STRBP: variants seen among roughly 807,000 people sequenced by gnomAD.
STRBP encodes spermatid perinuclear RNA binding protein, also known as spermatid perinuclear RNA-binding protein.
In STRBP, 13 loss-of-function variants were observed where a neutral mutation model predicts 80.1. That is an observed-to-expected ratio of 0.16 (90% CI 0.11 to 0.26). The LOEUF is 0.26. Among genes scored for constraint, STRBP ranks in the 10% least tolerant of loss-of-function variants. The pLI is 1.00. For missense variants in STRBP, 485 were observed against 815.2 expected, an observed-to-expected ratio of 0.59 and a Z score of 4.93; for synonymous variants, 284 against 291.2, an observed-to-expected ratio of 0.98 and a Z score of 0.25.
At chr9:123,109,821 G>A (rs750948181) in intron 3 of STRBP, 1 of 152,226 alleles carries the variant, frequency 6.6e-6, no homozygotes, top group Non-Finnish European at 1.5e-5. Flanking sequence ...GTCCATGGTG[G>A]TCACGGTTTC....
chr9:123,240,427 C>T (rs934097375), intron 1 of STRBP, among the ~76,000 whole-genome samples: 2 of 152,112 alleles, frequency 1.3e-5, no homozygotes, highest in African/African-American at 2.4e-5. Context: ...AACACAGAGA[C>T]GTATTTTACT....
intron 2 of STRBP, among the ~76,000 whole-genome samples, chr9:123,219,289 G>A (rs1028491347): frequency 3.3e-5 from 5 of 151,966 alleles, no homozygotes; most frequent in Admixed American, 6.6e-5. Flanking sequence ...CTTTATTCAC[G>A]TAACTTCCCC....
intron 1 of STRBP, among the ~76,000 whole-genome samples, chr9:123,246,211 A>G (rs2040796560): frequency 1.3e-5 from 2 of 152,252 alleles, no homozygotes; most frequent in Non-Finnish European, 2.9e-5. Flanking sequence ...CAAGGTACAG[A>G]ACATGAAACA....
In STRBP at chr9:123,160,396, C is replaced by T. The variant is rs1016537786; in HGVS notation, c.694G>A (p.Val232Ile). Residue 232 changes from valine (V) to isoleucine (I), a missense_variant, in exon 8 of 19, where the codon GTC becomes ATC. Around this residue, in one of 3 missense-constraint regions of STRBP, gnomAD observed 377 missense variants for 616.1 expected, o/e 0.61. Transcript: ENST00000348403. ...LRILRDLCNR[V>I]PTWAPLKGWP... is the part of the protein sequence containing the mutation. Reference sequence around the variant, plus strand: ...CCTTTCAATGGTGCCCATGTGGGGACTCTGTTGCACAAATCACGCAGAATG... The same window carrying T: ...CCTTTCAATGGTGCCCATGTGGGGATTCTGTTGCACAAATCACGCAGAATG... 5.6e-6 allele frequency: 9 copies of T among 1,602,090 alleles called. No individual in the cohort carries two copies. In the South Asian group the frequency reaches 1.0e-4, roughly 18 times the overall value.
chr9:123,161,720 T>G lies in STRBP; in HGVS notation c.536-652A>C, dbSNP rs190819002. On this transcript the variant is annotated intron_variant, in intron 6 of 18. Transcript: ENST00000348403. ...ATACAGTGAACTACATTTCAAGTTTTACATGCCTTTTAAAAATAAAAAGCA... is the reference window on the plus strand; with the variant it reads ...ATACAGTGAACTACATTTCAAGTTTGACATGCCTTTTAAAAATAAAAAGCA... 5.3e-5 allele frequency among the ~76,000 whole-genome samples: 8 copies of G among 152,372 alleles called. No homozygotes were observed. The East Asian group carries it at 1.5e-3, about 29-fold the overall frequency.
At chr9:123,265,856 C>G (rs948668067) in intron 1 of STRBP, among the ~76,000 whole-genome samples, 1 of 152,228 alleles carries the variant, frequency 6.6e-6, no homozygotes, top group Non-Finnish European at 1.5e-5. Context: ...AAAAAGTCAA[C>G]AATCCAGATC....
intron 2 of STRBP, among the ~76,000 whole-genome samples, chr9:123,205,338 C>A (rs936523867): frequency 6.6e-5 from 10 of 152,298 alleles, no homozygotes; most frequent in Middle Eastern, 3.4e-3. Context: ...GAAGGGTAAA[C>A]CAATACCTTG....
chr9:123,233,273 C>T (rs970418748), intron 2 of STRBP, among the ~76,000 whole-genome samples: 2 of 152,090 alleles, frequency 1.3e-5, no homozygotes, highest in African/African-American at 4.8e-5. Context: ...GGGGGTCTCA[C>T]TACGTTGCCC....
intron 2 of STRBP, among the ~76,000 whole-genome samples, chr9:123,198,739 T>C (rs1265379932): frequency 6.6e-6 from 1 of 152,238 alleles, no homozygotes; most frequent in Non-Finnish European, 1.5e-5. Flanking sequence ...GTCTTACATT[T>C]AAGTCCTTGT....
chr9:123,191,020 G>T (rs2132484389), intron 2 of STRBP, among the ~76,000 whole-genome samples: 1 of 152,290 alleles, frequency 6.6e-6, no homozygotes, highest in South Asian at 2.1e-4. Context: ...TACCAACAGT[G>T]AACAAAACAG....
chr9:123,205,743 C>T (rs544882815), intron 2 of STRBP, among the ~76,000 whole-genome samples: 1 of 152,302 alleles, frequency 6.6e-6, no homozygotes, highest in Non-Finnish European at 1.5e-5. Context: ...CAGGCTCTTG[C>T]TACTATTCAT....
In STRBP at chr9:123,128,331, C is replaced by T. The variant is rs150457644; in HGVS notation, c.1898-73G>A. Reference sequence around the variant, plus strand: ...CATCACTGGCCCAATTCACAAGCACCACCTGCTCAGCACCCTGGGCCCGGA... The same window carrying T: ...CATCACTGGCCCAATTCACAAGCACTACCTGCTCAGCACCCTGGGCCCGGA... On this transcript the variant is annotated intron_variant, in intron 17 of 18. Transcript: ENST00000348403. 1.9e-5 allele frequency: 30 copies of T among 1,564,820 alleles called. No homozygotes were observed. In the African/African-American group the frequency reaches 2.6e-4, roughly 13 times the overall value.
At position 123,147,842 on chromosome 9, in the gene STRBP, T is replaced by C. The variant is rs979520519; in HGVS notation, c.1074A>G (p.Pro358=). ...TATCATCCCCTAATCCATCTTCAAA[T>C]GGCCTCTTTAGAGCTGAAGACCCAG... ...EGAGSSALKR[P]FEDGLGDDKD... The change falls in exon 12 of 19, where the codon CCA becomes CCG. Residue 358 remains proline (P), a synonymous_variant. Coordinates refer to ENST00000348403, the MANE Select transcript of STRBP (RefSeq NM_018387.5). The C allele has an allele frequency of 2.5e-6, 4 of 1,612,914 alleles. No homozygotes were observed. Among genetic ancestry groups the C allele is most frequent in the Non-Finnish European group, 3.4e-6 (4 of 1,179,548 alleles).
At chr9:123,234,335 C>CA (rs80193172) in intron 2 of STRBP, among the ~76,000 whole-genome samples, 174 of 124,758 alleles carry the variant, frequency 1.4e-3, no homozygotes, top group South Asian at 2.8e-3. Context: ...ATTCAGAAGA[C>CA]AAAAAAAAAA....
chr9:123,199,583 A>G (rs1462480890), intron 2 of STRBP, among the ~76,000 whole-genome samples: 1 of 152,144 alleles, frequency 6.6e-6, no homozygotes, highest in Non-Finnish European at 1.5e-5. Flanking sequence ...TTCTCCTTGT[A>G]GAGATCTTTC....
intron 1 of STRBP, among the ~76,000 whole-genome samples, chr9:123,266,704 C>T (rs2041273312): frequency 6.6e-6 from 1 of 151,972 alleles, no homozygotes. Flanking sequence ...CATCCTATTT[C>T]CCCCACCACC....
At chr9:123,181,440 A>T (rs1470682025) in intron 3 of STRBP, among the ~76,000 whole-genome samples, 2 of 152,196 alleles carry the variant, frequency 1.3e-5, no homozygotes, top group Non-Finnish European at 2.9e-5. Flanking sequence ...CAGACTGCCA[A>T]TGTTAAATCT....
At chr9:123,190,433 T>G (rs2038880693) in intron 2 of STRBP, among the ~76,000 whole-genome samples, 1 of 151,070 alleles carries the variant, frequency 6.6e-6, no homozygotes, top group Admixed American at 6.6e-5. Flanking sequence ...AACACTGAAT[T>G]TCAATATTTT....
At chr9:123,182,742 C>T (rs2038531420) in intron 3 of STRBP, among the ~76,000 whole-genome samples, 1 of 152,160 alleles carries the variant, frequency 6.6e-6, no homozygotes, top group African/African-American at 2.4e-5. Context: ...GGCACGGTGC[C>T]TCACGCCTAT....
Sources: allele counts gnomAD v4.1 joint callset (sites outside exome capture counted in the v4.1 genomes callset), GRCh38; gene constraint gnomAD v4.1.1; regional missense constraint gnomAD v4.1.1; transcripts MANE v1.5; gene names NCBI Gene and HGNC (gene_info 2026-07-23, HGNC 2026-07-21).